Variants in C1orf94 observed in about 807,000 individuals in gnomAD.
The protein encoded by C1orf94 is uncharacterized protein C1orf94.
A neutral mutation model predicts 53.6 loss-of-function variants in C1orf94; 45 were observed. The observed-to-expected ratio is 0.84, with a 90% CI of 0.66 to 1.08. The LOEUF (loss-of-function observed/expected upper bound fraction) is 1.08, where lower values mean the gene tolerates loss of function less well. Among genes scored for constraint, C1orf94 ranks in the 50% least tolerant of loss-of-function variants. C1orf94 has a pLI of 0.00. For missense variants in C1orf94, 762 were observed against 738.9 expected (o/e 1.03, Z -0.36); for synonymous variants, 304 against 296.1 (o/e 1.03, Z -0.27).
intron 2 of C1orf94, among the ~76,000 whole-genome samples, chr1:34,199,852 T>A (rs1013748759): frequency 1.1e-4 from 17 of 152,188 alleles, no homozygotes; most frequent in African/African-American, 4.1e-4. Flanking sequence ...TTGCCCACAG[T>A]TATCCCTGCC....
rs750932511 is a variant in C1orf94 at position 34,197,541 on chromosome 1, G to A, written c.637G>A (p.Ala213Thr). 4 of 1,614,140 alleles carry A rather than the reference G, an allele frequency of 2.5e-6. No homozygotes were observed. The South Asian group carries it at 3.3e-5, about 13-fold the overall frequency. The change falls in exon 2 of 7, where the codon GCC (alanine) becomes ACC (threonine). Residue 213 changes from alanine to threonine, a missense_variant. By Grantham distance (58) the Ala-to-Thr change is moderately conservative. Coordinates refer to ENST00000488417, the MANE Select transcript of C1orf94 (RefSeq NM_001134734.2). This position sits in a 1 kb window ranked among gnomAD's most constrained non-coding sequence, Gnocchi z 4.1. ...ATSTVTDILCAAEVKSSKGTE... is the reference protein window; with the variant it reads ...ATSTVTDILCTAEVKSSKGTE... ...TTCTACTGTCACAGACATTCTGTGT[G>A]CCGCCGAGGTCAAGAGCAGCAAGGG...
chr1:34,199,933 C>A (rs148343234), intron 2 of C1orf94, among the ~76,000 whole-genome samples: 2 of 152,326 alleles, frequency 1.3e-5, no homozygotes, highest in African/African-American at 2.4e-5. Context: ...CTGGAAGGAA[C>A]CTTCTCAGAC....
rs552703391 is a variant in C1orf94 at position 34,168,751 on chromosome 1, T to A, written c.-251+1580T>A. Among the ~76,000 whole-genome samples the A allele has an allele frequency of 1.1e-4, 17 of 152,326 alleles. No individual in the cohort carries two copies. In the South Asian group the frequency reaches 3.5e-3, roughly 32 times the overall value. On this transcript the variant is annotated intron_variant, in intron 1 of 6. Transcript: ENST00000373374. ...TGGTACATATCTGTGTCCAAACTTC[T>A]AATCAGGACACCAGTCATACTGGAT...
intron 1 of C1orf94, among the ~76,000 whole-genome samples, chr1:34,196,813 C>A (rs887320681): frequency 2.6e-5 from 4 of 152,214 alleles, no homozygotes; most frequent in African/African-American, 4.8e-5. Context: ...ACCCTAGACT[C>A]TGCACTTAGA....
intron 2 of C1orf94, among the ~76,000 whole-genome samples, chr1:34,198,114 C>G (rs1167968596): frequency 2.0e-5 from 3 of 152,242 alleles, no homozygotes; most frequent in African/African-American, 7.2e-5. Flanking sequence ...GTGCAGGGCA[C>G]AGCTTTTGTA....
chr1:34,199,256 G>A (rs1222369594), intron 2 of C1orf94, among the ~76,000 whole-genome samples: 2 of 152,176 alleles, frequency 1.3e-5, no homozygotes, highest in Non-Finnish European at 2.9e-5. Flanking sequence ...CTTCGTAGAT[G>A]TTTAAGGCAT....
At chr1:34,215,548 G>C (rs1361049362) in intron 6 of C1orf94, among the ~76,000 whole-genome samples, 1 of 152,194 alleles carries the variant, frequency 6.6e-6, no homozygotes, top group Non-Finnish European at 1.5e-5. Context: ...TAAAGGCAGT[G>C]ACCCTGGGAA....
At chr1:34,209,924 A>T (rs896048051) in intron 5 of C1orf94, among the ~76,000 whole-genome samples, 1 of 152,242 alleles carries the variant, frequency 6.6e-6, no homozygotes, top group Non-Finnish European at 1.5e-5. Flanking sequence ...AAAAAATTTT[A>T]AAACTTGGAG....
At position 34,177,402 on chromosome 1, in the gene C1orf94, G is replaced by A. The variant is rs1369476354; in HGVS notation, c.-388G>A. Among the ~76,000 whole-genome samples the A allele has an allele frequency of 2.0e-5, 3 of 152,286 alleles. No homozygotes were observed. Among genetic ancestry groups the A allele is most frequent in the East Asian group, 3.9e-4 (2 of 5,164 alleles). ...ACAGCATGGGCTGAGCCCAGGCGCC[G>A]AAAGTTGTCACGGCGGCGTCGCAAG... On this transcript the variant is annotated 5_prime_UTR_variant, in exon 1 of 7. Transcript: ENST00000488417.
chr1:34,188,714 C>T (rs537056462), intron 1 of C1orf94, among the ~76,000 whole-genome samples: 7 of 152,282 alleles, frequency 4.6e-5, no homozygotes, highest in Admixed American at 1.3e-4. Context: ...ATCCTCACTG[C>T]GGCCCGGAGG....
At chr1:34,176,543 G>C (rs535838598), upstream of C1orf94, among the ~76,000 whole-genome samples, 1 of 152,028 alleles carries the variant, frequency 6.6e-6, no homozygotes, top group Non-Finnish European at 1.5e-5. Context: ...AGAGTGCTGG[G>C]GTCTGAGTCT....
chr1:34,194,008 G>A (rs1771363), intron 1 of C1orf94, among the ~76,000 whole-genome samples: 20,395 of 152,052 alleles, frequency 0.13, 1,924 homozygotes, highest in African/African-American at 0.27. Context: ...CGTGAGTTCA[G>A]AATGGAGACA....
intron 1 of C1orf94, among the ~76,000 whole-genome samples, chr1:34,190,083 C>A (rs1642458565): frequency 6.6e-6 from 1 of 152,206 alleles, no homozygotes; most frequent in African/African-American, 2.4e-5. Flanking sequence ...ATCTTTTAAC[C>A]TTCCTGAGCC....
intron 1 of C1orf94, among the ~76,000 whole-genome samples, chr1:34,189,347 G>A (rs2148614840): frequency 6.6e-6 from 1 of 151,658 alleles, no homozygotes; most frequent in Middle Eastern, 3.4e-3. Flanking sequence ...GTGCCCGAGT[G>A]TGTGTGTGTG....
At chr1:34,185,498 C>A (rs1642372080) in intron 1 of C1orf94, among the ~76,000 whole-genome samples, 1 of 152,112 alleles carries the variant, frequency 6.6e-6, no homozygotes, top group Non-Finnish European at 1.5e-5. Context: ...TCTTGAGCTT[C>A]CCAATGCTGG....
chr1:34,190,438 A>G (rs1427272077), intron 1 of C1orf94, among the ~76,000 whole-genome samples: 1 of 151,950 alleles, frequency 6.6e-6, no homozygotes, highest in African/African-American at 2.4e-5. Flanking sequence ...CCACTTGAAC[A>G]TTATTCCCAA....
Position 34,177,418 on chromosome 1 carries a change from G to T in C1orf94, c.-372G>T, listed in dbSNP as rs1310148912. ...CCAGGCGCCGAAAGTTGTCACGGCGGCGTCGCAAGGGGGCAGTGCCAGGGA... is the reference window on the plus strand; with the variant it reads ...CCAGGCGCCGAAAGTTGTCACGGCGTCGTCGCAAGGGGGCAGTGCCAGGGA... On this transcript the variant is annotated 5_prime_UTR_variant, in exon 1 of 7. Coordinates refer to ENST00000488417, the MANE Select transcript of C1orf94 (RefSeq NM_001134734.2). Among the ~76,000 whole-genome samples the T allele has an allele frequency of 6.6e-6, 1 of 152,198 alleles. No homozygotes were observed. The highest frequency in any genetic ancestry group is 2.4e-5 in the African/African-American group (1 of 41,466).
chr1:34,176,702 A>G (rs1451082132), upstream of C1orf94, among the ~76,000 whole-genome samples: 2 of 152,186 alleles, frequency 1.3e-5, no homozygotes, highest in Admixed American at 1.3e-4. Context: ...GCACAGGGCA[A>G]GCGCCCCATA....
In C1orf94 at chr1:34,197,117, T is replaced by TCGG; in HGVS notation, c.321-108_321-107insCGG. Reference sequence around the variant, plus strand: ...GGTTATCTTGCCTGGAAGTGTGTTTTTGTCATGTTATGCATCCATCTCCCT... The same window carrying TCGG: ...GGTTATCTTGCCTGGAAGTGTGTTTTCGGTGTCATGTTATGCATCCATCTCCCT... On this transcript the variant is annotated intron_variant, in intron 1 of 6. Transcript: ENST00000488417. This position sits in a 1 kb window ranked among gnomAD's most constrained non-coding sequence, Gnocchi z 4.1. 1 of 1,020,836 alleles carries TCGG rather than the reference T, an allele frequency of 9.8e-7. No homozygotes were observed. The highest frequency in any genetic ancestry group is 1.4e-6 in the Non-Finnish European group (1 of 707,762). 63.2% of individuals were successfully genotyped at this position (1,020,836 alleles called of 1,614,324 possible).
Sources: gnomAD v4.1 joint callset for allele counts (sites outside exome capture counted in the v4.1 genomes callset) on GRCh38, gnomAD v4.1.1 for gene constraint, Gnocchi (gnomAD v3.1) non-coding constraint, MANE v1.5 for transcripts, NCBI Gene and HGNC (gene_info 2026-07-23, HGNC 2026-07-21) for gene names.